Variants in RIMS2 observed in about 807,000 individuals in gnomAD.
RIMS2 encodes the protein regulating synaptic membrane exocytosis protein 2.
RIMS2 carries 59 observed loss-of-function variants against 174.4 expected under a neutral mutation model. That is an observed-to-expected ratio of 0.34 (90% CI 0.27 to 0.42). RIMS2 has a LOEUF of 0.42. Among genes scored for constraint, RIMS2 ranks in the 10% least tolerant of loss-of-function variants. The pLI is 1.00. For synonymous variants in RIMS2, 606 were observed against 572.5 expected, an observed-to-expected ratio of 1.06 and a Z score of -0.84; for missense variants, 1,620 against 1,666.3, an observed-to-expected ratio of 0.97 and a Z score of 0.48.
intron 1 of RIMS2, among the ~76,000 whole-genome samples, chr8:103,650,314 G>A (rs1216021585): frequency 3.3e-5 from 5 of 152,064 alleles, no homozygotes. Flanking sequence ...CTTTTTTTCA[G>A]TGGGGCACTG....
At chr8:104,093,917 T>C (rs577410440) in intron 19 of RIMS2, among the ~76,000 whole-genome samples, 58 of 152,096 alleles carry the variant, frequency 3.8e-4, no homozygotes, top group African/African-American at 1.3e-3. Flanking sequence ...AATTAAGACC[T>C]CTTATATCTT....
chr8:104,170,424 G>A (rs996888314), intron 19 of RIMS2, among the ~76,000 whole-genome samples: 2 of 151,874 alleles, frequency 1.3e-5, no homozygotes, highest in Admixed American at 1.3e-4. Context: ...ATATAACATG[G>A]TTCTTGTCTT....
intron 19 of RIMS2, among the ~76,000 whole-genome samples, chr8:104,161,792 A>G (rs12547973): frequency 0.025 from 3,789 of 152,344 alleles, 160 homozygotes; most frequent in East Asian, 0.15. Flanking sequence ...CTTAAGACTC[A>G]AGGCAAGACT....
intron 19 of RIMS2, among the ~76,000 whole-genome samples, chr8:104,063,487 G>A (rs1252829798): frequency 6.6e-6 from 1 of 152,124 alleles, no homozygotes; most frequent in Non-Finnish European, 1.5e-5. Context: ...ACCTGAGGTT[G>A]AATATTTATA....
intron 19 of RIMS2, among the ~76,000 whole-genome samples, chr8:104,219,486 A>G (rs1404909692): frequency 6.6e-6 from 1 of 152,238 alleles, no homozygotes; most frequent in African/African-American, 2.4e-5. Context: ...ATTAAGTGGC[A>G]TAATTACTAT....
At chr8:103,830,392 A>AT (rs2098818180) in intron 3 of RIMS2, among the ~76,000 whole-genome samples, 1 of 152,054 alleles carries the variant, frequency 6.6e-6, no homozygotes, top group South Asian at 2.1e-4. Context: ...ATATCTTATT[A>AT]TTTTTTATGA....
intron 19 of RIMS2, among the ~76,000 whole-genome samples, chr8:104,241,858 C>G (rs2099300000): frequency 6.6e-6 from 1 of 152,146 alleles, no homozygotes; most frequent in Non-Finnish European, 1.5e-5. Context: ...CTCCTGAGTT[C>G]AAGTGATTCT....
intron 1 of RIMS2, among the ~76,000 whole-genome samples, chr8:103,628,116 G>A (rs2095829912): frequency 6.6e-6 from 1 of 152,004 alleles, no homozygotes; most frequent in Non-Finnish European, 1.5e-5. Context: ...TAAGGCATTG[G>A]GGAAAATAAA....
chr8:103,594,423 C>G (rs975961479), intron 1 of RIMS2, among the ~76,000 whole-genome samples: 1 of 151,530 alleles, frequency 6.6e-6, no homozygotes, highest in African/African-American at 2.4e-5. Flanking sequence ...GTTAATCAAT[C>G]AACAGTATGT....
chr8:103,595,556 A>G (rs1008432250), intron 1 of RIMS2, among the ~76,000 whole-genome samples: 3 of 151,970 alleles, frequency 2.0e-5, no homozygotes, highest in Non-Finnish European at 4.4e-5. Flanking sequence ...AAGTAAGAAG[A>G]GAAGTGTTGG....
chr8:103,899,090 A>T (rs958411983), intron 4 of RIMS2, among the ~76,000 whole-genome samples: 13 of 151,728 alleles, frequency 8.6e-5, no homozygotes, highest in African/African-American at 2.9e-4. Context: ...CATGGTGTAT[A>T]TGTGCCACAT....
At chr8:104,222,544 G>GA (rs150060572) in intron 19 of RIMS2, among the ~76,000 whole-genome samples, 61 of 152,308 alleles carry the variant, frequency 4.0e-4, no homozygotes, top group African/African-American at 1.4e-3. Context: ...ACAGAGGTGG[G>GA]ATGACTTGTC....
chr8:103,985,750 A>C (rs2094313392), intron 16 of RIMS2, among the ~76,000 whole-genome samples: 1 of 152,188 alleles, frequency 6.6e-6, no homozygotes, highest in African/African-American at 2.4e-5. Flanking sequence ...ACAGGTAATA[A>C]AAATGTAAAT....
chr8:103,508,549 G>A (rs900061914), intron 1 of RIMS2, among the ~76,000 whole-genome samples: 4 of 151,790 alleles, frequency 2.6e-5, no homozygotes, highest in Non-Finnish European at 4.4e-5. Flanking sequence ...ATGGTGATGC[G>A]TCAATAGAGG....
At position 103,792,637 on chromosome 8, in the gene RIMS2, G is replaced by GTTTT. The variant is rs57893772; in HGVS notation, c.698+26115_698+26118dup. ...AAAAAATCAGTGAATCCAGGAGCTG[G>GTTTT]TTTTTTTTTTTTTTTTTTAAAGATC... On this transcript the variant is annotated intron_variant, in intron 3 of 23. Transcript: ENST00000504942. Among the ~76,000 whole-genome samples the GTTTT allele has an allele frequency of 9.7e-4, 133 of 137,574 alleles. 1 individual carries two copies. The highest frequency in any genetic ancestry group is 1.2e-3 in the Admixed American group (16 of 13,600). 90.3% of individuals were successfully genotyped at this position (137,574 alleles called of 152,430 possible). A position where few individuals can be genotyped will look rare whatever the true frequency, so the allele number is the denominator to read the frequency against.
intron 1 of RIMS2, among the ~76,000 whole-genome samples, chr8:103,555,252 A>G (rs1351033228): frequency 6.6e-6 from 1 of 152,198 alleles, no homozygotes; most frequent in Non-Finnish European, 1.5e-5. Context: ...AATGGCCAAT[A>G]GGTATATGAA....
intron 1 of RIMS2, among the ~76,000 whole-genome samples, chr8:103,600,816 A>G (rs535754658): frequency 1.3e-5 from 2 of 152,282 alleles, no homozygotes; most frequent in East Asian, 3.9e-4. Flanking sequence ...TCTCACCCAC[A>G]GTGTATGAGG....
intron 3 of RIMS2, among the ~76,000 whole-genome samples, chr8:103,845,523 T>C (rs1166531052): frequency 2.0e-5 from 3 of 152,168 alleles, no homozygotes; most frequent in African/African-American, 7.2e-5. Context: ...TATACTACCA[T>C]TATTTTACAG....
At chr8:103,787,029 C>T (rs919313746) in intron 3 of RIMS2, among the ~76,000 whole-genome samples, 4 of 150,086 alleles carry the variant, frequency 2.7e-5, no homozygotes, top group Admixed American at 2.7e-4. Context: ...TATGTAATGG[C>T]CTTCTTTGTC....
Sources: gnomAD v4.1 joint callset for allele counts (sites outside exome capture counted in the v4.1 genomes callset) on GRCh38, gnomAD v4.1.1 for gene constraint, MANE v1.5 for transcripts, NCBI Gene and HGNC (gene_info 2026-07-23, HGNC 2026-07-21) for gene names.